The following CCNB3 variants were observed in gnomAD, a reference collection of about 807,000 sequenced individuals.
CCNB3 encodes cyclin B3.
A neutral mutation model predicts 68.0 loss-of-function variants in CCNB3; 12 were observed. The ratio of observed to expected loss-of-function variants is 0.18; its 90% CI spans 0.11 to 0.29. The LOEUF (loss-of-function observed/expected upper bound fraction) is 0.29, where lower values mean the gene tolerates loss of function less well. Among genes scored for constraint, CCNB3 ranks in the 10% least tolerant of loss-of-function variants. CCNB3 has a pLI of 1.00. For missense variants in CCNB3, 904 were observed against 993.1 expected (o/e 0.91, Z 1.21); for synonymous variants, 354 against 388.9 (o/e 0.91, Z 1.06).
chrX:50,292,329 T>C (rs1451330313), intron 4 of CCNB3, among the ~76,000 whole-genome samples: 1 of 110,665 alleles, frequency 9.0e-6, no homozygotes, highest in African/African-American at 3.3e-5. Flanking sequence ...CCTTTTTTTT[T>C]AATGACGTTG....
At chrX:50,279,199 A>T (rs1454751971) in intron 1 of CCNB3, among the ~76,000 whole-genome samples, 4 of 2,178 alleles carry the variant, frequency 1.8e-3, no homozygotes, top group East Asian at 0.08. Context: ...CTCTATATAT[A>T]AATATATAGA....
At chrX:50,343,710 G>T (rs1923251530) in intron 9 of CCNB3, among the ~76,000 whole-genome samples, 1 of 111,425 alleles carries the variant, frequency 9.0e-6, no homozygotes, top group South Asian at 3.8e-4. Context: ...TGTCTCAAAA[G>T]AAATTTTTTT....
Position 50,294,881 on chromosome X carries a change from G to T in CCNB3, c.223G>T (p.Val75Phe). The T allele has an allele frequency of 8.3e-7, 1 of 1,205,991 alleles. No individual in the cohort carries two copies. Among genetic ancestry groups the T allele is most frequent in the Non-Finnish European group, 1.1e-6 (1 of 892,703 alleles). Residue 75 changes from valine (V) to phenylalanine (F), a missense_variant, in exon 5 of 13, where the codon GTC becomes TTC. By Grantham distance (50) the Val-to-Phe change is conservative. Coordinates refer to ENST00000376042, the MANE Select transcript of CCNB3 (RefSeq NM_033031.3). ...TTTGCAGGCTTCTCAATGTCAACCT[G>T]TCCAGCCCAAGAAAGAAGCCAATAA... ...DLTNASQCQPVQPKKEANKEF... is the reference protein window; with the variant it reads ...DLTNASQCQPFQPKKEANKEF...
intron 1 of CCNB3, among the ~76,000 whole-genome samples, chrX:50,207,801 A>T (rs1935395768): frequency 1.8e-5 from 2 of 111,601 alleles, no homozygotes; most frequent in South Asian, 7.5e-4. Flanking sequence ...GTACAACTCA[A>T]TTTTTTTAGT....
chrX:50,348,184 G>A (rs1923498138), intron 11 of CCNB3, among the ~76,000 whole-genome samples: 1 of 111,149 alleles, frequency 9.0e-6, no homozygotes, highest in African/African-American at 3.3e-5. Context: ...CACTGAGCCA[G>A]AGAAGAGTAG....
At chrX:50,317,521 A>ATG (rs1285378433) in intron 8 of CCNB3, among the ~76,000 whole-genome samples, 5 of 100,472 alleles carry the variant, frequency 5.0e-5, no homozygotes, top group South Asian at 4.6e-4. Context: ...TCTCATGTGT[A>ATG]TGTGTGTGTG....
chrX:50,333,207 A>G (rs781787008), intron 8 of CCNB3, among the ~76,000 whole-genome samples: 1 of 111,184 alleles, frequency 9.0e-6, no homozygotes, highest in Non-Finnish European at 1.9e-5. Context: ...CTGGCCCATT[A>G]TCCGAGCCGA....
At chrX:50,314,214 G>A (rs1221702845) in intron 8 of CCNB3, among the ~76,000 whole-genome samples, 1 of 112,121 alleles carries the variant, frequency 8.9e-6, no homozygotes, top group Non-Finnish European at 1.9e-5. Flanking sequence ...TTCTAGAAAA[G>A]GCAGTGACGG....
At chrX:50,335,462 C>A (rs1557218709) in intron 8 of CCNB3, among the ~76,000 whole-genome samples, 5 of 111,562 alleles carry the variant, frequency 4.5e-5, no homozygotes, top group Non-Finnish European at 1.9e-5. Flanking sequence ...GGCTTAGGGA[C>A]AGGGAGGAAG....
intron 7 of CCNB3, 34 bp downstream of exon 7, chrX:50,312,666 T>C (rs1557215239): frequency 1.0e-6 from 1 of 958,394 alleles, no homozygotes; most frequent in African/African-American, 1.9e-5. Context: ...CAATGATTTC[T>C]AGTTTTCATT....
chrX:50,297,268 A>G (rs1340014036), intron 5 of CCNB3, among the ~76,000 whole-genome samples: 1 of 111,554 alleles, frequency 9.0e-6, no homozygotes. Context: ...TTTAGGTCTA[A>G]CATTTAAGTC....
At chrX:50,279,531 G>T (rs1308945710) in intron 1 of CCNB3, among the ~76,000 whole-genome samples, 48 of 78,733 alleles carry the variant, frequency 6.1e-4, no homozygotes, top group African/African-American at 2.3e-3. Flanking sequence ...AAAGATATAT[G>T]AATATATATT....
Position 50,309,655 on chromosome X carries a change from G to C in CCNB3, c.1486G>C (p.Ala496Pro). The C allele has an allele frequency of 4.1e-6, 5 of 1,210,290 alleles. No homozygotes were observed. Among genetic ancestry groups the C allele is most frequent in the Non-Finnish European group, 2.2e-6 (2 of 895,033 alleles). Residue 496 changes from alanine (A) to proline (P), a missense_variant, in exon 6 of 13, where the codon GCC becomes CCC. By Grantham distance (27) the Ala-to-Pro change is conservative (BLOSUM62 -1). Coordinates refer to ENST00000376042, the MANE Select transcript of CCNB3 (RefSeq NM_033031.3). ...KKPLILKRKH[A>P]TQGTMSHLKK... ...GCCTTTAATTTTAAAGAGGAAGCAT[G>C]CCACTCAGGGGACAATGTCCCACTT...
chrX:50,216,412 G>A (rs970043967), intron 1 of CCNB3, among the ~76,000 whole-genome samples: 1 of 109,375 alleles, frequency 9.1e-6, no homozygotes, highest in Non-Finnish European at 1.9e-5. Context: ...GGGACTACAG[G>A]GTCGGGCCAC....
intron 1 of CCNB3, among the ~76,000 whole-genome samples, chrX:50,227,065 A>G (rs1279943523): frequency 6.1e-5 from 5 of 81,336 alleles, no homozygotes; most frequent in Non-Finnish European, 2.2e-5. Flanking sequence ...TAGAATATAT[A>G]TACAAATATA....
intron 8 of CCNB3, among the ~76,000 whole-genome samples, chrX:50,327,846 A>G (rs1922375329): frequency 8.9e-6 from 1 of 111,735 alleles, no homozygotes; most frequent in Non-Finnish European, 1.9e-5. Context: ...TTAAGGTAGC[A>G]GATGGAATTA....
intron 1 of CCNB3, among the ~76,000 whole-genome samples, chrX:50,228,694 A>C (rs1460053788): frequency 2.5e-5 from 2 of 81,112 alleles, no homozygotes; most frequent in African/African-American, 4.9e-5. Context: ...ATATATACAT[A>C]GAATATATAT....
At chrX:50,207,071 A>G (rs1202506245) in intron 1 of CCNB3, among the ~76,000 whole-genome samples, 1 of 112,134 alleles carries the variant, frequency 8.9e-6, no homozygotes, top group Non-Finnish European at 1.9e-5. Context: ...TTCTCTTGAC[A>G]GAATCACTCC....
chrX:50,222,938 A>C (rs1196112461), intron 1 of CCNB3, among the ~76,000 whole-genome samples: 1 of 111,028 alleles, frequency 9.0e-6, no homozygotes, highest in Non-Finnish European at 1.9e-5. Context: ...ACATAGTCCC[A>C]TATTTCTTAG....
Sources: allele counts gnomAD v4.1 joint callset (sites outside exome capture counted in the v4.1 genomes callset), GRCh38; gene constraint gnomAD v4.1.1; transcripts MANE v1.5; gene names NCBI Gene and HGNC (gene_info 2026-07-23, HGNC 2026-07-21).